The following SUSD3 variants were observed in gnomAD, a reference collection of about 807,000 sequenced individuals.
The protein encoded by SUSD3 is sushi domain-containing protein 3.
In SUSD3, 18 loss-of-function variants were observed where a neutral mutation model predicts 20.6. The ratio of observed to expected loss-of-function variants is 0.87; its 90% CI spans 0.60 to 1.30. SUSD3 has a LOEUF of 1.30. SUSD3 is among the 50% of genes most tolerant of loss of function. The pLI is 0.00. For missense variants in SUSD3, 306 were observed against 346.9 expected, an observed-to-expected ratio of 0.88 and a Z score of 0.94; for synonymous variants, 137 against 141.5, an observed-to-expected ratio of 0.97 and a Z score of 0.23.
chr9:93,081,423 C>T (rs888808179), intron 4 of SUSD3, among the ~76,000 whole-genome samples: 2 of 152,168 alleles, frequency 1.3e-5, no homozygotes, highest in African/African-American at 2.4e-5. Context: ...CTCCATGCCT[C>T]GGTTTCCTCA....
intron 1 of SUSD3, among the ~76,000 whole-genome samples, chr9:93,072,060 C>T (rs1482217154): frequency 1.3e-5 from 2 of 152,124 alleles, no homozygotes; most frequent in Non-Finnish European, 2.9e-5. Flanking sequence ...GTAGACCACC[C>T]TCCTCATAGG....
At chr9:93,064,868 C>A (rs932442086) in intron 1 of SUSD3, among the ~76,000 whole-genome samples, 1 of 152,212 alleles carries the variant, frequency 6.6e-6, no homozygotes, top group African/African-American at 2.4e-5. Context: ...GCCGGGCCTA[C>A]CCTCAAACCC....
intron 4 of SUSD3, among the ~76,000 whole-genome samples, chr9:93,080,990 C>T (rs893817998): frequency 6.6e-6 from 1 of 152,206 alleles, no homozygotes; most frequent in African/African-American, 2.4e-5. Context: ...TGTCACAGAT[C>T]TCCTGTCCCT....
chr9:93,066,942 A>G (rs970335567), intron 1 of SUSD3, among the ~76,000 whole-genome samples: 3 of 151,746 alleles, frequency 2.0e-5, no homozygotes, highest in African/African-American at 4.8e-5. Flanking sequence ...TCCTGACCTC[A>G]GGTGATCTGA....
rs1826581397 is a variant in SUSD3, at chr9:93,084,716, C to G, written c.737C>G (p.Pro246Arg). 6.3e-7 allele frequency: 1 copy of G among 1,591,716 alleles called. No homozygotes were observed. The highest frequency in any genetic ancestry group is 8.6e-7 in the Non-Finnish European group (1 of 1,168,376). ...LPASGLATGM[P>R]QQPAAYALG ...GCCTCTGGGCTGGCCACAGGAATGC[C>G]ACAACAGCCCGCAGCATATGCCCTA... The change falls in exon 5 of 5, where the codon CCA becomes CGA. Residue 246 changes from proline to arginine, a missense_variant. Coordinates refer to ENST00000375472, the MANE Select transcript of SUSD3 (RefSeq NM_145006.4).
At chr9:93,060,387 G>T (rs1428263261) in intron 1 of SUSD3, among the ~76,000 whole-genome samples, 1 of 152,182 alleles carries the variant, frequency 6.6e-6, no homozygotes, top group Non-Finnish European at 1.5e-5. Context: ...GCCCAGTGGA[G>T]CCCAGGGAGG....
chr9:93,078,951 C>T (rs1032075023), intron 3 of SUSD3, among the ~76,000 whole-genome samples: 1 of 152,068 alleles, frequency 6.6e-6, no homozygotes, highest in African/African-American at 2.4e-5. Context: ...AAGCGCCCGC[C>T]ACCATGCTCA....
Position 93,085,049 on chromosome 9 carries a change from A to G in SUSD3, c.*302A>G, listed in dbSNP as rs987598259. On this transcript the variant is annotated 3_prime_UTR_variant, in exon 5 of 5. Coordinates refer to ENST00000375472, the MANE Select transcript of SUSD3 (RefSeq NM_145006.4). This position sits in a 1 kb window ranked among gnomAD's most constrained non-coding sequence, Gnocchi z 4.3. ...GCCTCCCACTAACTAGCATTCCTTT[A>G]AAGAGACTGGGAAATGTTTTAAGCA... The G allele has an allele frequency of 6.5e-6, 2 of 308,570 alleles. No individual in the cohort carries two copies. The highest frequency in any genetic ancestry group is 5.9e-6 in the Non-Finnish European group (1 of 168,554). 19.1% of individuals were successfully genotyped at this position (308,570 alleles called of 1,614,324 possible). A position where few individuals can be genotyped will look rare whatever the true frequency, so the allele number is the denominator to read the frequency against.
chr9:93,058,762 C>G lies in SUSD3; in HGVS notation c.20C>G (p.Thr7Ser). MRWAAATLRGKARPRGR... is the reference protein window; with the variant it reads MRWAAASLRGKARPRGR... ...CGCAGGATGCGCTGGGCGGCCGCCACCCTCCGTGGCAAGGCGAGGCCCCGG... is the reference window on the plus strand; with the variant it reads ...CGCAGGATGCGCTGGGCGGCCGCCAGCCTCCGTGGCAAGGCGAGGCCCCGG... Residue 7 changes from threonine (T) to serine (S), a missense_variant, in exon 1 of 5, where the codon ACC (threonine) becomes AGC (serine). Thr to Ser is a moderately conservative substitution (Grantham distance 58, BLOSUM62 1). Coordinates refer to ENST00000375472, the MANE Select transcript of SUSD3 (RefSeq NM_145006.4). 1 of 1,236,806 alleles carries G rather than the reference C, an allele frequency of 8.1e-7. No homozygotes were observed. Among genetic ancestry groups the G allele is most frequent in the African/African-American group, 1.6e-5 (1 of 64,428 alleles). 76.6% of individuals were successfully genotyped at this position (1,236,806 alleles called of 1,614,324 possible).
chr9:93,067,004 A>G (rs1226676582), intron 1 of SUSD3, among the ~76,000 whole-genome samples: 1 of 152,128 alleles, frequency 6.6e-6, no homozygotes, highest in Non-Finnish European at 1.5e-5. Flanking sequence ...CACCATACCC[A>G]GCCACTCCAG....
At chr9:93,073,450 G>A (rs1014534026) in intron 1 of SUSD3, among the ~76,000 whole-genome samples, 15 of 151,990 alleles carry the variant, frequency 9.9e-5, no homozygotes, top group Admixed American at 2.6e-4. Context: ...GGGTTTCACC[G>A]TGTTAGCCAG....
rs368047429 is a variant in SUSD3 at position 93,069,428 on chromosome 9, G to A, written c.89-6356G>A. 6.3e-4 allele frequency among the ~76,000 whole-genome samples: 96 copies of A among 152,302 alleles called. 1 individual carries two copies. Among genetic ancestry groups the A allele is most frequent in the African/African-American group, 2.3e-3 (96 of 41,562 alleles). Reference sequence around the variant, plus strand: ...CGGACTACCATAATATGTTGCCATCGTAACAATATTAAGTCTTCTGATCCA... The same window carrying A: ...CGGACTACCATAATATGTTGCCATCATAACAATATTAAGTCTTCTGATCCA... On this transcript the variant is annotated intron_variant, in intron 1 of 4. Coordinates refer to ENST00000375472, the MANE Select transcript of SUSD3 (RefSeq NM_145006.4).
chr9:93,078,216 C>T (rs1212223577), intron 3 of SUSD3, among the ~76,000 whole-genome samples: 4 of 152,224 alleles, frequency 2.6e-5, no homozygotes, highest in Non-Finnish European at 5.9e-5. Context: ...CCCCCAAGGC[C>T]CTGCTCTTAG....
chr9:93,082,989 G>A (rs1236496263), intron 4 of SUSD3, among the ~76,000 whole-genome samples: 1 of 152,190 alleles, frequency 6.6e-6, no homozygotes. Flanking sequence ...GGGAACTTGT[G>A]CAGTGTGTGG....
intron 1 of SUSD3, among the ~76,000 whole-genome samples, chr9:93,059,986 G>A (rs1472664114): frequency 6.6e-6 from 1 of 152,200 alleles, no homozygotes; most frequent in African/African-American, 2.4e-5. Context: ...CCTGCCCAGG[G>A]CCTGGTACTA....
chr9:93,061,038 A>G (rs1416697622), intron 1 of SUSD3, among the ~76,000 whole-genome samples: 1 of 152,100 alleles, frequency 6.6e-6, no homozygotes, highest in Non-Finnish European at 1.5e-5. Flanking sequence ...CGCGGGGGAG[A>G]CTAGCTCAGA....
intron 1 of SUSD3, among the ~76,000 whole-genome samples, chr9:93,062,766 C>T (rs1282477864): frequency 2.0e-5 from 3 of 152,092 alleles, no homozygotes; most frequent in Non-Finnish European, 2.9e-5. Flanking sequence ...CTTGGCTGTG[C>T]GGTGGTTAGA....
intron 1 of SUSD3, among the ~76,000 whole-genome samples, chr9:93,071,189 A>G (rs939419932): frequency 2.0e-5 from 3 of 152,204 alleles, no homozygotes; most frequent in African/African-American, 4.8e-5. Flanking sequence ...AGATGTATAT[A>G]TAAAGGGGAG....
intron 4 of SUSD3, 75 bp downstream of exon 4, chr9:93,079,677 GCT>G: frequency 6.6e-7 from 1 of 1,518,208 alleles, no homozygotes; most frequent in Non-Finnish European, 9.0e-7. Context: ...GCCACCTGCT[GCT>G]CCCACACGCT....
Sources: allele counts gnomAD v4.1 joint callset (sites outside exome capture counted in the v4.1 genomes callset), GRCh38; gene constraint gnomAD v4.1.1; non-coding constraint Gnocchi (gnomAD v3.1); transcripts MANE v1.5; gene names NCBI Gene and HGNC (gene_info 2026-07-23, HGNC 2026-07-21).